FRMPD4: variants seen among roughly 807,000 people sequenced by gnomAD.
FRMPD4 encodes FERM and PDZ domain-containing protein 4.
Under a neutral mutation model 94.1 loss-of-function variants are expected in FRMPD4, and 22 were observed. That is an observed-to-expected ratio of 0.23 (90% confidence interval 0.17 to 0.33). The LOEUF (loss-of-function observed/expected upper bound fraction) is 0.33, where lower values mean the gene tolerates loss of function less well. FRMPD4 is among the 10% of genes least tolerant of loss of function. The probability of loss-of-function intolerance (pLI) is 1.00; values close to 1 mark genes in which losing one functional copy is unlikely to be tolerated. For synonymous variants in FRMPD4, 631 were observed against 548.6 expected, an observed-to-expected ratio of 1.15 and a Z score of -2.10; for missense variants, 1,111 against 1,339.9, an observed-to-expected ratio of 0.83 and a Z score of 2.67.
intron 1 of FRMPD4, among the ~76,000 whole-genome samples, chrX:12,341,389 A>G (rs1462780080): frequency 9.0e-6 from 1 of 111,633 alleles, no homozygotes; most frequent in Non-Finnish European, 1.9e-5. Flanking sequence ...TTAGAACTCA[A>G]ATTGTGATTG....
At chrX:12,267,406 G>A (rs1351246149) in intron 1 of FRMPD4, among the ~76,000 whole-genome samples, 1 of 111,918 alleles carries the variant, frequency 8.9e-6, no homozygotes, top group Non-Finnish European at 1.9e-5. Context: ...GCTCCAAATA[G>A]CGCCTTCTTT....
intron 3 of FRMPD4, among the ~76,000 whole-genome samples, chrX:12,129,894 T>C (rs16986731): frequency 0.028 from 3,181 of 111,671 alleles, 106 homozygotes; most frequent in African/African-American, 0.099. Context: ...ATTATACCAA[T>C]GTGGGGCATC....
At chrX:12,495,230 C>G (rs758586343) in intron 1 of FRMPD4, among the ~76,000 whole-genome samples, 1 of 111,933 alleles carries the variant, frequency 8.9e-6, no homozygotes, top group Non-Finnish European at 1.9e-5. Context: ...TCTTTCTGTT[C>G]TGAGGATGGA....
intron 3 of FRMPD4, among the ~76,000 whole-genome samples, chrX:12,067,500 C>T (rs2054931504): frequency 9.0e-6 from 1 of 110,743 alleles, no homozygotes. Flanking sequence ...TCACTGCAAC[C>T]TCTGCCTCCC....
At chrX:12,012,044 G>A (rs1022119305) in intron 3 of FRMPD4, among the ~76,000 whole-genome samples, 2 of 109,981 alleles carry the variant, frequency 1.8e-5, no homozygotes, top group African/African-American at 6.6e-5. Flanking sequence ...GGGACTACAG[G>A]CGCACACCAC....
intron 3 of FRMPD4, among the ~76,000 whole-genome samples, chrX:11,952,325 T>C (rs144212201): frequency 9.7e-4 from 109 of 112,306 alleles, no homozygotes; most frequent in African/African-American, 3.4e-3. Context: ...CTTTTATTTC[T>C]TGAAGCCGCA....
intron 3 of FRMPD4, among the ~76,000 whole-genome samples, chrX:12,125,715 A>G (rs1349054195): frequency 8.9e-6 from 1 of 112,118 alleles, no homozygotes; most frequent in Non-Finnish European, 1.9e-5. Context: ...TGGAACAATT[A>G]TAAGACCAAC....
intron 3 of FRMPD4, among the ~76,000 whole-genome samples, chrX:11,949,594 T>C (rs902665455): frequency 1.3e-4 from 15 of 111,942 alleles, no homozygotes; most frequent in Admixed American, 2.8e-4. Context: ...ACGCATGTGT[T>C]GGTAAGGGGA....
At chrX:11,995,559 C>T (rs945113602) in intron 3 of FRMPD4, among the ~76,000 whole-genome samples, 2 of 111,774 alleles carry the variant, frequency 1.8e-5, no homozygotes, top group East Asian at 5.6e-4. Flanking sequence ...GAAAATACTC[C>T]TTAAAATTGA....
intron 3 of FRMPD4, among the ~76,000 whole-genome samples, chrX:11,961,633 A>C (rs1261565984): frequency 8.9e-6 from 1 of 111,815 alleles, no homozygotes; most frequent in East Asian, 2.8e-4. Context: ...CATCTCAATA[A>C]GCCCCTTCAC....
rs747896108 is a variant in FRMPD4, at chrX:12,469,245, G to T, written c.42-29435G>T. On this transcript the variant is annotated intron_variant, in intron 1 of 16. Transcript: ENST00000675598. ...TCCCTTCCCCTTCTCTTCTTTTTTG[G>T]TTTTTTGTTTGTTTGTTTGTTTTTG... Among the ~76,000 whole-genome samples, 102 of 110,732 alleles carry T rather than the reference G, an allele frequency of 9.2e-4. 1 individual carries two copies. Among genetic ancestry groups the T allele is most frequent in the Non-Finnish European group, 1.5e-3 (81 of 52,823 alleles).
At chrX:12,002,345 TTTGA>T (rs1437879195) in intron 3 of FRMPD4, among the ~76,000 whole-genome samples, 1 of 111,995 alleles carries the variant, frequency 8.9e-6, no homozygotes, top group Non-Finnish European at 1.9e-5. Flanking sequence ...GGCAGGCAGC[TTTGA>T]TTGTGTTTCA....
intron 2 of FRMPD4, among the ~76,000 whole-genome samples, chrX:12,499,487 G>A (rs1330166218): frequency 8.9e-6 from 1 of 111,976 alleles, no homozygotes; most frequent in Non-Finnish European, 1.9e-5. Flanking sequence ...CATGATACCC[G>A]AAAGAATCTT....
At chrX:12,203,672 C>T (rs916505843) in intron 1 of FRMPD4, among the ~76,000 whole-genome samples, 22 of 112,343 alleles carry the variant, frequency 2.0e-4, no homozygotes, top group African/African-American at 7.1e-4. Flanking sequence ...TAATTCCTTT[C>T]CTTCAAAACA....
intron 1 of FRMPD4, among the ~76,000 whole-genome samples, chrX:12,217,154 T>C (rs781349352): frequency 1.8e-5 from 2 of 111,994 alleles, no homozygotes; most frequent in Non-Finnish European, 3.8e-5. Context: ...TTGCAAGCAG[T>C]GGGGTTGATG....
At chrX:12,624,063 C>T (rs992790790) in intron 4 of FRMPD4, among the ~76,000 whole-genome samples, 16 of 112,063 alleles carry the variant, frequency 1.4e-4, no homozygotes, top group Non-Finnish European at 2.1e-4. Context: ...ATGAAAGAGA[C>T]GGAAAGATAT....
rs60873482 is a variant in FRMPD4 at position 12,267,160 on chromosome X, G to A, written c.41+128148G>A. Among the ~76,000 whole-genome samples, 498 of 111,928 alleles carry A rather than the reference G, an allele frequency of 4.4e-3. 2 individuals carry two copies. The highest frequency in any genetic ancestry group is 0.015 in the African/African-American group (461 of 30,785). ...TGCATCATCATCAAGTCGGAAAATC[G>A]TAAGTCAAACCATTGTAAGTCAAGG... On this transcript the variant is annotated intron_variant, in intron 1 of 16. Transcript: ENST00000675598.
At chrX:12,270,932 A>C (rs1359851427) in intron 1 of FRMPD4, among the ~76,000 whole-genome samples, 1 of 112,034 alleles carries the variant, frequency 8.9e-6, no homozygotes, top group African/African-American at 3.2e-5. Flanking sequence ...GTACATGGGA[A>C]CTTTCTGTAT....
intron 1 of FRMPD4, among the ~76,000 whole-genome samples, chrX:12,204,982 A>G (rs766000087): frequency 9.1e-6 from 1 of 109,883 alleles, no homozygotes; most frequent in East Asian, 2.9e-4. Context: ...ATGCCGAAGG[A>G]GTCACCTCTC....
Sources: gnomAD v4.1 joint callset for allele counts (sites outside exome capture counted in the v4.1 genomes callset) on GRCh38, gnomAD v4.1.1 for gene constraint, MANE v1.5 for transcripts, NCBI Gene and HGNC (gene_info 2026-07-23, HGNC 2026-07-21) for gene names.